The following PARM1 variants were observed in gnomAD, a reference collection of about 807,000 sequenced individuals.
PARM1 encodes prostate androgen-regulated mucin-like protein 1.
PARM1 carries 14 observed loss-of-function variants against 24.6 expected under a neutral mutation model. The observed-to-expected ratio is 0.57, with a 90% confidence interval of 0.38 to 0.89. PARM1 has a LOEUF of 0.89. PARM1 is among the 40% of genes least tolerant of loss of function. The pLI is 0.00. For missense variants in PARM1, 362 were observed against 380.4 expected, an observed-to-expected ratio of 0.95 and a Z score of 0.40; for synonymous variants, 179 against 156.6, an observed-to-expected ratio of 1.14 and a Z score of -1.07.
intron 1 of PARM1, among the ~76,000 whole-genome samples, chr4:74,994,747 C>A (rs1293984071): frequency 6.6e-6 from 1 of 151,780 alleles, no homozygotes; most frequent in Non-Finnish European, 1.5e-5. Flanking sequence ...GAGCTGAGAT[C>A]ACACCAGTGC....
intron 1 of PARM1, among the ~76,000 whole-genome samples, chr4:74,957,629 A>G (rs1721665314): frequency 6.6e-6 from 1 of 152,216 alleles, no homozygotes; most frequent in Admixed American, 6.5e-5. Flanking sequence ...AGAGGTGCCT[A>G]TATGACATTA....
Position 75,012,451 on chromosome 4 carries a change from T to G in PARM1, c.70T>G (p.Ser24Ala). 6.2e-7 allele frequency: 1 copy of G among 1,613,916 alleles called. No homozygotes were observed. The highest frequency in any genetic ancestry group is 8.5e-7 in the Non-Finnish European group (1 of 1,179,878). ...AGWRVQSLPT[S>A]APLSVSLPTN... is the part of the protein sequence containing the mutation. ...ATGGAGGGTACAGAGTCTGCCTACA[T>G]CAGCTCCTTTGTCTGTTTCTCTTCC... Residue 24 changes from serine (S) to alanine (A), a missense_variant, in exon 2 of 4, where the codon TCA (serine) becomes GCA (alanine). Transcript: ENST00000307428.
At chr4:74,938,396 A>G (rs1020834224) in intron 1 of PARM1, among the ~76,000 whole-genome samples, 1 of 152,236 alleles carries the variant, frequency 6.6e-6, no homozygotes, top group Non-Finnish European at 1.5e-5. Flanking sequence ...GGAAGTATCT[A>G]TCACTAAAAT....
intron 1 of PARM1, among the ~76,000 whole-genome samples, chr4:74,976,611 A>G (rs1356765192): frequency 2.6e-5 from 4 of 152,236 alleles, no homozygotes; most frequent in Non-Finnish European, 5.9e-5. Context: ...GCCAGAGTAC[A>G]TTAAGTGGGT....
chr4:74,997,267 G>A (rs1722591678), intron 1 of PARM1, among the ~76,000 whole-genome samples: 1 of 152,178 alleles, frequency 6.6e-6, no homozygotes, highest in African/African-American at 2.4e-5. Flanking sequence ...TCTGAAGAAT[G>A]ACACACCCAT....
At position 75,050,030 on chromosome 4, in the gene PARM1, A is replaced by G. The variant is rs750246000; in HGVS notation, c.*3783A>G. The G allele has an allele frequency of 6.6e-6, 1 of 152,492 alleles. No individual in the cohort carries two copies. Among genetic ancestry groups the G allele is most frequent in the Admixed American group, 6.5e-5 (1 of 15,268 alleles). The allele number at this position is 152,492 out of a possible 1,614,324, so 9.4% of individuals were successfully genotyped here. On this transcript the variant is annotated 3_prime_UTR_variant, in exon 4 of 4. Transcript: ENST00000307428. Reference sequence around the variant, plus strand: ...TGGAAAGGTGGGAAAATTCTTTGATATTTGATGTCATTGTATCCACATTTG... The same window carrying G: ...TGGAAAGGTGGGAAAATTCTTTGATGTTTGATGTCATTGTATCCACATTTG...
chr4:74,940,592 T>G (rs757882350), intron 1 of PARM1, among the ~76,000 whole-genome samples: 1 of 152,198 alleles, frequency 6.6e-6, no homozygotes, highest in Non-Finnish European at 1.5e-5. Flanking sequence ...ATCTTTACCT[T>G]GGAGATTAGG....
At chr4:74,943,689 C>A (rs1273395728) in intron 1 of PARM1, among the ~76,000 whole-genome samples, 5 of 152,152 alleles carry the variant, frequency 3.3e-5, no homozygotes, top group African/African-American at 1.2e-4. Context: ...AAGAAAATGT[C>A]ACCTTTGAGC....
chr4:75,002,587 C>T (rs1722702384), intron 1 of PARM1, among the ~76,000 whole-genome samples: 1 of 152,202 alleles, frequency 6.6e-6, no homozygotes, highest in South Asian at 2.1e-4. Flanking sequence ...GAATCACCAC[C>T]TTGGCTCTAC....
chr4:74,943,976 A>T (rs1721361847), intron 1 of PARM1, among the ~76,000 whole-genome samples: 1 of 152,232 alleles, frequency 6.6e-6, no homozygotes, highest in Non-Finnish European at 1.5e-5. Flanking sequence ...TGTGTTTTAT[A>T]CTAAGCAATG....
chr4:74,999,440 G>A (rs1365876582), intron 1 of PARM1, among the ~76,000 whole-genome samples: 6 of 152,150 alleles, frequency 3.9e-5, no homozygotes, highest in Non-Finnish European at 1.5e-5. Flanking sequence ...TATTCAGAGA[G>A]GTCAGGTGCA....
rs1721104180 is a variant in PARM1 at position 74,933,269 on chromosome 4, T to C, written c.-59T>C. On this transcript the variant is annotated 5_prime_UTR_variant, in exon 1 of 4. Coordinates refer to ENST00000307428, the MANE Select transcript of PARM1 (RefSeq NM_015393.4). ...GTCGCTACCAGCGCCCAGTGCGCTC[T>C]GTCAGTCCGCAAACTCCTTGCCGCC... 1 of 1,504,850 alleles carries C rather than the reference T, an allele frequency of 6.6e-7. No homozygotes were observed. Among genetic ancestry groups the C allele is most frequent in the Non-Finnish European group, 9.2e-7 (1 of 1,085,650 alleles). The allele number at this position is 1,504,850 out of a possible 1,614,324, so 93.2% of individuals were successfully genotyped here.
intron 3 of PARM1, 63 bp downstream of exon 3, chr4:75,034,024 T>C: frequency 1.5e-6 from 2 of 1,303,380 alleles, no homozygotes; most frequent in Non-Finnish European, 2.2e-6. Context: ...GGCTGAGCGC[T>C]GTTTTGCTGG....
chr4:74,987,604 G>T (rs1191364647), intron 1 of PARM1, among the ~76,000 whole-genome samples: 2 of 152,096 alleles, frequency 1.3e-5, no homozygotes, highest in South Asian at 2.1e-4. Context: ...CAAGGTGTTT[G>T]TTAAGACAGG....
At chr4:75,029,252 T>C (rs1018009589) in intron 2 of PARM1, among the ~76,000 whole-genome samples, 9 of 151,974 alleles carry the variant, frequency 5.9e-5, no homozygotes, top group African/African-American at 1.9e-4. Context: ...AGCAGTGGAG[T>C]AGTGGCCGAC....
At chr4:74,996,986 C>T (rs1722587299) in intron 1 of PARM1, among the ~76,000 whole-genome samples, 1 of 152,096 alleles carries the variant, frequency 6.6e-6, no homozygotes, top group African/African-American at 2.4e-5. Context: ...ATAATTTTGG[C>T]TTTTCTATAT....
At chr4:74,997,215 A>G (rs1252031591) in intron 1 of PARM1, among the ~76,000 whole-genome samples, 1 of 152,176 alleles carries the variant, frequency 6.6e-6, no homozygotes, top group Admixed American at 6.6e-5. Flanking sequence ...TCTGGCTGGC[A>G]GGTAGTTTCT....
rs1722582480 is a variant in PARM1 at position 74,996,796 on chromosome 4, T to A, written c.44-15629T>A. Among the ~76,000 whole-genome samples, 3 of 152,296 alleles carry A rather than the reference T, an allele frequency of 2.0e-5. No homozygotes were observed. In the South Asian group the frequency reaches 6.2e-4, roughly 32 times the overall value. ...TCCAGATTGTGTGTACAGTCACACA[T>A]AGAAAGGAGAATTAATTTTCTCTAC... On this transcript the variant is annotated intron_variant, in intron 1 of 3. Transcript: ENST00000307428.
chr4:75,024,575 C>T (rs1297799377), intron 2 of PARM1, among the ~76,000 whole-genome samples: 1 of 152,236 alleles, frequency 6.6e-6, no homozygotes, highest in Admixed American at 6.5e-5. Context: ...AGTGTGGAAG[C>T]TCTCACTTGC....
Sources: allele counts gnomAD v4.1 joint callset (sites outside exome capture counted in the v4.1 genomes callset), GRCh38; gene constraint gnomAD v4.1.1; transcripts MANE v1.5; gene names NCBI Gene and HGNC (gene_info 2026-07-23, HGNC 2026-07-21).